The following FAM117B variants were observed in gnomAD, a reference collection of about 807,000 sequenced individuals.
FAM117B encodes family with sequence similarity 117 member B, also known as protein FAM117B.
A neutral mutation model predicts 52.8 loss-of-function variants in FAM117B; 22 were observed. The observed-to-expected ratio is 0.42, with a 90% CI of 0.30 to 0.59. FAM117B has a LOEUF of 0.59. Ranked by LOEUF, FAM117B falls within the 20% of genes least tolerant of loss-of-function variation. The probability of loss-of-function intolerance (pLI) is 0.22; values close to 1 mark genes in which losing one functional copy is unlikely to be tolerated. For synonymous variants in FAM117B, 309 were observed against 324.1 expected (o/e 0.95, Z 0.50); for missense variants, 678 against 802.6 (o/e 0.84, Z 1.88).
chr2:202,670,787 A>G (rs1265003819), intron 1 of FAM117B, among the ~76,000 whole-genome samples: 1 of 152,200 alleles, frequency 6.6e-6, no homozygotes, highest in African/African-American at 2.4e-5. Context: ...AGAATGAATT[A>G]TTGTTATTAG....
At chr2:202,696,949 G>A (rs1341298355) in intron 2 of FAM117B, among the ~76,000 whole-genome samples, 1 of 152,140 alleles carries the variant, frequency 6.6e-6, no homozygotes, top group Non-Finnish European at 1.5e-5. Context: ...CACACTTGTA[G>A]TACCAGCTAC....
chr2:202,667,898 A>AACTAATTATCCC, intron 1 of FAM117B, among the ~76,000 whole-genome samples: 2 of 151,788 alleles, frequency 1.3e-5, no homozygotes, highest in Non-Finnish European at 2.9e-5. Flanking sequence ...GGGTGATAAT[A>AACTAATTATCCC]GTGAGGATAG....
intron 5 of FAM117B, among the ~76,000 whole-genome samples, chr2:202,756,620 A>G (rs1414796614): frequency 6.6e-6 from 1 of 152,028 alleles, no homozygotes; most frequent in African/African-American, 2.4e-5. Flanking sequence ...CCTCTCCTCC[A>G]TCCTGCTTGA....
At chr2:202,679,703 C>CT (rs1690433989) in intron 1 of FAM117B, among the ~76,000 whole-genome samples, 1 of 152,168 alleles carries the variant, frequency 6.6e-6, no homozygotes, top group African/African-American at 2.4e-5. Context: ...TTAAAACAAA[C>CT]TTTAAGGATC....
At chr2:202,716,983 A>G (rs1306087955) in intron 2 of FAM117B, among the ~76,000 whole-genome samples, 1 of 152,182 alleles carries the variant, frequency 6.6e-6, no homozygotes, top group Non-Finnish European at 1.5e-5. Flanking sequence ...TCTATCTTAA[A>G]GGTCACATAT....
chr2:202,729,510 C>T (rs1160229799), intron 4 of FAM117B, among the ~76,000 whole-genome samples: 3 of 152,102 alleles, frequency 2.0e-5, no homozygotes, highest in Admixed American at 2.0e-4. Context: ...GGCCTGTGAC[C>T]GTAGTACTCA....
chr2:202,666,778 C>G (rs952663696), intron 1 of FAM117B, among the ~76,000 whole-genome samples: 1 of 149,542 alleles, frequency 6.7e-6, no homozygotes, highest in African/African-American at 2.5e-5. Context: ...AAGTGATTCT[C>G]CTGCCTCAGC....
rs1691999953 is a variant in FAM117B, at chr2:202,767,450, A to T, written c.*1686A>T. On this transcript the variant is annotated 3_prime_UTR_variant, in exon 8 of 8. Transcript: ENST00000392238. ...GCTGGGATTACAGGTGTGAGCCACC[A>T]CGCCCATCCAGGAGCAGCTCTTTTT... The T allele has an allele frequency of 6.6e-6, 1 of 152,116 alleles. No homozygotes were observed. 9.4% of individuals were successfully genotyped at this position (152,116 alleles called of 1,614,324 possible).
chr2:202,650,163 T>C (rs1035218425), intron 1 of FAM117B, among the ~76,000 whole-genome samples: 6 of 152,220 alleles, frequency 3.9e-5, no homozygotes, highest in African/African-American at 1.2e-4. Flanking sequence ...TTAATTTCTT[T>C]GTTTGAAAAT....
Position 202,640,340 on chromosome 2 carries a change from A to ATG in FAM117B, c.601+4553_601+4554insGT, listed in dbSNP as rs1553517978. ...TATATATATATATATATATATATAT[A>ATG]TATGGCAAGTCGTGTTCTTGCTAGT... On this transcript the variant is annotated intron_variant, in intron 1 of 7. Coordinates refer to ENST00000392238, the MANE Select transcript of FAM117B (RefSeq NM_173511.4). Among the ~76,000 whole-genome samples the ATG allele has an allele frequency of 2.7e-3, 288 of 105,716 alleles. 28 individuals carry two copies. Among genetic ancestry groups the ATG allele is most frequent in the African/African-American group, 0.012 (278 of 23,090 alleles). 69.4% of individuals were successfully genotyped at this position (105,716 alleles called of 152,430 possible).
chr2:202,677,770 T>C (rs182430239), intron 1 of FAM117B, among the ~76,000 whole-genome samples: 3 of 152,320 alleles, frequency 2.0e-5, no homozygotes, highest in African/African-American at 7.2e-5. Flanking sequence ...CCTAGAAGAA[T>C]CTGGAGTCAT....
intron 4 of FAM117B, 55 bp from the exon 5 acceptor site, chr2:202,755,483 C>G: frequency 6.3e-7 from 1 of 1,585,396 alleles, no homozygotes; most frequent in East Asian, 2.2e-5. Flanking sequence ...TACGCTTCAG[C>G]CTAGAAAATT....
intron 4 of FAM117B, among the ~76,000 whole-genome samples, chr2:202,726,795 C>T (rs527407356): frequency 2.0e-5 from 3 of 151,558 alleles, no homozygotes; most frequent in East Asian, 1.9e-4. Context: ...TGGGCTGGGG[C>T]GATGGGAGAG....
chr2:202,756,516 G>T (rs1393207083), intron 5 of FAM117B, among the ~76,000 whole-genome samples: 3 of 152,100 alleles, frequency 2.0e-5, no homozygotes, highest in Non-Finnish European at 4.4e-5. Flanking sequence ...CTATTCTTTA[G>T]TGAAGGAGGA....
At chr2:202,724,459 G>T (rs1691205634) in intron 2 of FAM117B, among the ~76,000 whole-genome samples, 1 of 152,178 alleles carries the variant, frequency 6.6e-6, no homozygotes, top group Admixed American at 6.5e-5. Flanking sequence ...TTTGCCGCTT[G>T]TAACACCTTA....
intron 2 of FAM117B, among the ~76,000 whole-genome samples, chr2:202,724,207 G>A (rs942013108): frequency 6.6e-5 from 10 of 151,802 alleles, no homozygotes; most frequent in Admixed American, 3.9e-4. Flanking sequence ...ACAAGCACAC[G>A]CTAATTTTTG....
chr2:202,673,605 A>G (rs10180444), intron 1 of FAM117B, among the ~76,000 whole-genome samples: 13,542 of 149,944 alleles, frequency 0.09, 2,048 homozygotes, highest in African/African-American at 0.31. Context: ...CTACCACCAC[A>G]CCCGGCTAAT....
chr2:202,687,293 G>A (rs1690556094), intron 1 of FAM117B, among the ~76,000 whole-genome samples: 1 of 152,202 alleles, frequency 6.6e-6, no homozygotes, highest in Admixed American at 6.5e-5. Context: ...GTTCAAGAGT[G>A]GAGAGATTGA....
intron 1 of FAM117B, among the ~76,000 whole-genome samples, chr2:202,671,647 G>A (rs1289066803): frequency 6.6e-6 from 1 of 152,196 alleles, no homozygotes; most frequent in African/African-American, 2.4e-5. Context: ...GCTATGAATG[G>A]TGAAATACAT....
Sources: gnomAD v4.1 joint callset for allele counts (sites outside exome capture counted in the v4.1 genomes callset) on GRCh38, gnomAD v4.1.1 for gene constraint, MANE v1.5 for transcripts, NCBI Gene and HGNC (gene_info 2026-07-23, HGNC 2026-07-21) for gene names.